The following WDR35 variants were observed in gnomAD, a reference collection of about 807,000 sequenced individuals.
WDR35 encodes the protein WD repeat-containing protein 35.
In WDR35, 118 loss-of-function variants were observed where a neutral mutation model predicts 158.3. That is an observed-to-expected ratio of 0.75 (90% confidence interval 0.64 to 0.87). The LOEUF (loss-of-function observed/expected upper bound fraction) is 0.87, where lower values mean the gene tolerates loss of function less well. Ranked by LOEUF, WDR35 falls within the 40% of genes least tolerant of loss-of-function variation. The probability of loss-of-function intolerance (pLI) is 0.00; values close to 1 mark genes in which losing one functional copy is unlikely to be tolerated. For synonymous variants in WDR35, 448 were observed against 476.1 expected (o/e 0.94, Z 0.77); for missense variants, 1,263 against 1,405.8 (o/e 0.90, Z 1.62).
chr2:19,984,214 T>C (rs1003840750), intron 2 of WDR35, among the ~76,000 whole-genome samples: 11 of 152,130 alleles, frequency 7.2e-5, no homozygotes, highest in African/African-American at 1.9e-4. Flanking sequence ...GCTTGATATA[T>C]TGAACAAATA....
At chr2:19,980,417 T>C (rs1266404346) in intron 4 of WDR35, among the ~76,000 whole-genome samples, 2 of 152,098 alleles carry the variant, frequency 1.3e-5, no homozygotes, top group African/African-American at 4.8e-5. Flanking sequence ...AAAAGACTTA[T>C]CTCAAGTAGA....
intron 25 of WDR35, among the ~76,000 whole-genome samples, chr2:19,920,839 T>C (rs576852182): frequency 6.6e-6 from 1 of 152,328 alleles, no homozygotes; most frequent in Non-Finnish European, 1.5e-5. Context: ...CTCCATCATC[T>C]CAGCCCCAAA....
rs1161704520 is a variant in WDR35 at position 19,935,616 on chromosome 2, A to G, written c.2415-13T>C. ...TACAGCATTCAACCTACAGAAAGAA[A>G]AAAGGAAAAACTTTTAAAACTAATG... On this transcript the variant is annotated splice_polypyrimidine_tract_variant and intron_variant, in intron 20 of 26. Coordinates refer to ENST00000281405, the MANE Select transcript of WDR35 (RefSeq NM_020779.4). 6.2e-7 allele frequency: 1 copy of G among 1,609,838 alleles called. No individual in the cohort carries two copies. The highest frequency in any genetic ancestry group is 1.7e-5 in the Admixed American group (1 of 59,794).
intron 25 of WDR35, among the ~76,000 whole-genome samples, chr2:19,915,919 T>TA (rs4035119): frequency 0.024 from 3,025 of 124,700 alleles, 74 homozygotes; most frequent in African/African-American, 0.068. Context: ...AGACTCCATC[T>TA]AAAAAAAAAA....
chr2:19,960,673 A>G, intron 10 of WDR35, 59 bp from the exon 11 acceptor site: 1 of 1,250,140 alleles, frequency 8.0e-7, no homozygotes, highest in Non-Finnish European at 1.2e-6. Flanking sequence ...TAAAGGAAAT[A>G]TGCTTAATAT....
At chr2:19,929,039 C>T (rs2103394487) in intron 25 of WDR35, among the ~76,000 whole-genome samples, 1 of 152,204 alleles carries the variant, frequency 6.6e-6, no homozygotes, top group South Asian at 2.1e-4. Flanking sequence ...GATCTCCTGA[C>T]CTTGTGATCC....
chr2:19,974,775 G>T, intron 6 of WDR35, 142 bp from the exon 7 acceptor site: 1 of 718,766 alleles, frequency 1.4e-6, no homozygotes, highest in African/African-American at 1.8e-5. Flanking sequence ...ATCACTTACT[G>T]GTATACAGGC....
At position 19,989,149 on chromosome 2, in the gene WDR35, G is replaced by C; in HGVS notation, c.142+16C>G. Reference sequence around the variant, plus strand: ...AGCCAATTTACTACCAAACATGTGGGCTTGCATTCATTTACCTGTCTGCGT... The same window carrying C: ...AGCCAATTTACTACCAAACATGTGGCCTTGCATTCATTTACCTGTCTGCGT... On this transcript the variant is annotated intron_variant, in intron 2 of 26. Coordinates refer to ENST00000281405, the MANE Select transcript of WDR35 (RefSeq NM_020779.4). 6.2e-7 allele frequency: 1 copy of C among 1,606,200 alleles called. No homozygotes were observed. The highest frequency in any genetic ancestry group is 8.5e-7 in the Non-Finnish European group (1 of 1,172,798).
chr2:19,944,551 T>C (rs893392), intron 16 of WDR35, among the ~76,000 whole-genome samples: 4 of 152,134 alleles, frequency 2.6e-5, no homozygotes, highest in Admixed American at 6.6e-5. Flanking sequence ...GGATTACCTG[T>C]CAAATTCCCA....
intron 2 of WDR35, 60 bp downstream of exon 2, chr2:19,989,105 G>C: frequency 2.2e-6 from 3 of 1,391,678 alleles, no homozygotes; most frequent in Non-Finnish European, 3.1e-6. Flanking sequence ...TGAGTAGACC[G>C]CACTGAACAA....
intron 25 of WDR35, among the ~76,000 whole-genome samples, chr2:19,926,958 T>G (rs1226639691): frequency 1.3e-5 from 2 of 152,246 alleles, no homozygotes; most frequent in East Asian, 3.9e-4. Context: ...GGACCCCAGC[T>G]GTCGCAAGCA....
intron 2 of WDR35, among the ~76,000 whole-genome samples, chr2:19,987,823 C>CAA (rs34794090): frequency 0.012 from 670 of 55,576 alleles, 19 homozygotes; most frequent in African/African-American, 0.021. Flanking sequence ...AACTCTGTCT[C>CAA]AAAAAAAAAA....
In WDR35 at chr2:19,953,903, C is replaced by A; in HGVS notation, c.1331G>T (p.Arg444Leu). 2 of 1,614,058 alleles carry A rather than the reference C, an allele frequency of 1.2e-6. No individual in the cohort carries two copies. The highest frequency in any genetic ancestry group is 8.5e-7 in the Non-Finnish European group (1 of 1,179,996). The change falls in exon 12 of 27, where the codon CGT (arginine) becomes CTT (leucine). Residue 444 changes from arginine (R) to leucine (L), a missense_variant. Coordinates refer to ENST00000281405, the MANE Select transcript of WDR35 (RefSeq NM_020779.4). The stretch of plus-strand genomic sequence containing the variant: ...CAATGCTGTGAGCTTCTTTGCCACA[C>A]GATATTGCCAGGTATAAAATGCTTC... ...SKEAFYTWQY[R>L]VAKKLTALEI...
intron 2 of WDR35, among the ~76,000 whole-genome samples, chr2:19,983,540 C>T (rs1672456745): frequency 6.6e-6 from 1 of 152,160 alleles, no homozygotes; most frequent in Admixed American, 6.5e-5. Flanking sequence ...GCTTAGAAAT[C>T]TGTTACACAT....
At chr2:19,926,281 T>C (rs972738388) in intron 25 of WDR35, among the ~76,000 whole-genome samples, 2 of 152,270 alleles carry the variant, frequency 1.3e-5, no homozygotes, top group African/African-American at 4.8e-5. Flanking sequence ...AGTTTGCATT[T>C]ACAATTCCTG....
chr2:19,953,902 A>G lies in WDR35; in HGVS notation c.1332T>C (p.Arg444=). The stretch of plus-strand genomic sequence containing the variant: ...CCAATGCTGTGAGCTTCTTTGCCAC[A>G]CGATATTGCCAGGTATAAAATGCTT... ...SKEAFYTWQY[R]VAKKLTALEI... Residue 444 remains arginine (R), a synonymous_variant, in exon 12 of 27, where the codon CGT becomes CGC. Coordinates refer to ENST00000281405, the MANE Select transcript of WDR35 (RefSeq NM_020779.4). 1 of 1,614,142 alleles carries G rather than the reference A, an allele frequency of 6.2e-7. No homozygotes were observed. The highest frequency in any genetic ancestry group is 2.2e-5 in the East Asian group (1 of 44,868).
chr2:19,913,896 A>G, intron 26 of WDR35, 141 bp downstream of exon 26: 2 of 1,420,700 alleles, frequency 1.4e-6, no homozygotes, highest in East Asian at 4.8e-5. Context: ...ATACACTTGT[A>G]AAAATAAATA....
intron 17 of WDR35, among the ~76,000 whole-genome samples, chr2:19,941,548 T>C (rs139142075): frequency 2.8e-3 from 427 of 152,328 alleles, no homozygotes; most frequent in African/African-American, 9.3e-3. Flanking sequence ...AACTGAGACT[T>C]ATACATTTTT....
At chr2:19,938,450 T>C (rs1203304334) in intron 17 of WDR35, 49 bp from the exon 18 acceptor site, 2 of 1,595,980 alleles carry the variant, frequency 1.3e-6, no homozygotes, top group African/African-American at 1.4e-5. Context: ...GCCGTTAGAG[T>C]ATGTGTTTCT....
Sources: allele counts gnomAD v4.1 joint callset (sites outside exome capture counted in the v4.1 genomes callset), GRCh38; gene constraint gnomAD v4.1.1; transcripts MANE v1.5; gene names NCBI Gene and HGNC (gene_info 2026-07-23, HGNC 2026-07-21).